The following TENM2 variants were observed in gnomAD, a reference collection of about 807,000 sequenced individuals.
TENM2 encodes teneurin-2.
A neutral mutation model predicts 245.2 loss-of-function variants in TENM2; 52 were observed. The ratio of observed to expected loss-of-function variants is 0.21; its 90% CI spans 0.17 to 0.27. The LOEUF (loss-of-function observed/expected upper bound fraction) is 0.27. TENM2 is among the 10% of genes least tolerant of loss of function. TENM2 has a pLI of 1.00. For synonymous variants in TENM2, 1,363 were observed against 1,438.9 expected (o/e 0.95, Z 1.19); for missense variants, 3,046 against 3,666.8 (o/e 0.83, Z 4.37).
Position 167,325,492 on chromosome 5 carries a change from C to T in TENM2, c.226+40429C>T, listed in dbSNP as rs74416630. On this transcript the variant is annotated intron_variant, in intron 1 of 28. Transcript: ENST00000518659. Reference sequence around the variant, plus strand: ...CCTGCAGACCCACAGAGGAGAGAAGCCCAATTCTGCAAATCCAGTAACTCA... The same window carrying T: ...CCTGCAGACCCACAGAGGAGAGAAGTCCAATTCTGCAAATCCAGTAACTCA... Among the ~76,000 whole-genome samples the T allele has an allele frequency of 6.3e-3, 959 of 152,234 alleles. 10 individuals are homozygous for T. The highest frequency in any genetic ancestry group is 0.022 in the African/African-American group (917 of 41,536).
chr5:168,089,423 C>T (rs1438403900), intron 7 of TENM2, among the ~76,000 whole-genome samples: 1 of 152,182 alleles, frequency 6.6e-6, no homozygotes, highest in South Asian at 2.1e-4. Flanking sequence ...CAATAGCTCC[C>T]ACTTGCCTGC....
intron 25 of TENM2, among the ~76,000 whole-genome samples, chr5:168,229,344 CA>C (rs1764611303): frequency 6.6e-6 from 1 of 152,054 alleles, no homozygotes; most frequent in Non-Finnish European, 1.5e-5. Context: ...AGCTTCTCAG[CA>C]GAAGTGGATT....
At chr5:167,118,192 A>G in the TENM2 span, among the ~76,000 whole-genome samples, 14 of 152,226 alleles carry the variant, frequency 9.2e-5, no homozygotes, top group African/African-American at 2.9e-4. Context: ...GCATGAAAAG[A>G]AAGCCCTTTC....
intron 4 of TENM2, among the ~76,000 whole-genome samples, chr5:167,960,906 C>A (rs1780962516): frequency 6.6e-6 from 1 of 152,188 alleles, no homozygotes; most frequent in South Asian, 2.1e-4. Flanking sequence ...CGGAATGCAC[C>A]ATTCCTCACA....
At chr5:167,071,878 G>GGCCC in the TENM2 span, among the ~76,000 whole-genome samples, 1 of 124,022 alleles carries the variant, frequency 8.1e-6, no homozygotes. Flanking sequence ...TTGACAAATC[G>GGCCC]CCCCCCCCCG....
the TENM2 span, among the ~76,000 whole-genome samples, chr5:167,209,299 T>C: frequency 2.6e-5 from 4 of 152,002 alleles, no homozygotes; most frequent in African/African-American, 9.7e-5. Flanking sequence ...AGTCTCACTC[T>C]GTCACCCAGG....
chr5:167,755,002 G>A, intron 2 of TENM2: 1 of 1,572,376 alleles, frequency 6.4e-7, no homozygotes, highest in Non-Finnish European at 8.6e-7. Flanking sequence ...TGATTTTTCT[G>A]TAGTTAGAGG....
At chr5:167,386,347 A>C (rs2127350445) in intron 2 of TENM2, among the ~76,000 whole-genome samples, 1 of 152,114 alleles carries the variant, frequency 6.6e-6, no homozygotes, top group South Asian at 2.1e-4. Flanking sequence ...TCCTTAGCTT[A>C]CTTTTTGATG....
the TENM2 span, among the ~76,000 whole-genome samples, chr5:167,080,901 A>G: frequency 6.6e-6 from 1 of 152,120 alleles, no homozygotes; most frequent in Non-Finnish European, 1.5e-5. Flanking sequence ...AAAAGGACAT[A>G]CCAGAAAATG....
intron 12 of TENM2, among the ~76,000 whole-genome samples, chr5:168,127,263 A>G (rs1382605306): frequency 2.0e-5 from 3 of 152,186 alleles, no homozygotes. Context: ...TGGGGGTTGC[A>G]AGCACCTCAA....
chr5:167,429,042 T>C (rs1246364779), intron 2 of TENM2, among the ~76,000 whole-genome samples: 2 of 152,184 alleles, frequency 1.3e-5, no homozygotes, highest in Non-Finnish European at 2.9e-5. Context: ...CGTGTGTTTT[T>C]TTCTCTCTCC....
At chr5:168,217,245 G>A (rs1763276845) in intron 22 of TENM2, among the ~76,000 whole-genome samples, 1 of 152,208 alleles carries the variant, frequency 6.6e-6, no homozygotes, top group Non-Finnish European at 1.5e-5. Flanking sequence ...TTGCAGGTTT[G>A]AGAATGTACT....
At chr5:167,930,263 C>T (rs1778174621) in intron 3 of TENM2, among the ~76,000 whole-genome samples, 1 of 152,074 alleles carries the variant, frequency 6.6e-6, no homozygotes. Flanking sequence ...GATTTCTTAA[C>T]ACTTATTATT....
chr5:168,246,459 G>C (rs1329993760), intron 26 of TENM2, among the ~76,000 whole-genome samples: 1 of 152,084 alleles, frequency 6.6e-6, no homozygotes, highest in East Asian at 1.9e-4. Context: ...CAGGGAGTTT[G>C]TTACAAAATG....
intron 19 of TENM2, among the ~76,000 whole-genome samples, chr5:168,205,189 G>T (rs1762257399): frequency 6.6e-6 from 1 of 152,116 alleles, no homozygotes; most frequent in African/African-American, 2.4e-5. Flanking sequence ...CAGGAAAGTT[G>T]ATTTCAGACC....
At chr5:166,982,351 G>T in the TENM2 span, among the ~76,000 whole-genome samples, 2 of 152,140 alleles carry the variant, frequency 1.3e-5, no homozygotes, top group Middle Eastern at 6.8e-3. Flanking sequence ...AACATTAATT[G>T]CTATTTTTTC....
chr5:167,139,039 A>G, the TENM2 span, among the ~76,000 whole-genome samples: 2 of 152,338 alleles, frequency 1.3e-5, no homozygotes, highest in African/African-American at 4.8e-5. Flanking sequence ...GCTAGTTACT[A>G]TCATTCCTTT....
chr5:167,487,018 A>G (rs560927757), intron 2 of TENM2, among the ~76,000 whole-genome samples: 1 of 152,346 alleles, frequency 6.6e-6, no homozygotes, highest in South Asian at 2.1e-4. Context: ...TTGTTGTCCT[A>G]TCTCAGTGGG....
At chr5:167,828,517 C>A (rs538234086) in intron 2 of TENM2, among the ~76,000 whole-genome samples, 1 of 152,284 alleles carries the variant, frequency 6.6e-6, no homozygotes, top group Admixed American at 6.5e-5. Context: ...GTCCTCAGCC[C>A]TGTTGAAGTA....
Sources: allele counts gnomAD v4.1 joint callset (sites outside exome capture counted in the v4.1 genomes callset), GRCh38; gene constraint gnomAD v4.1.1; transcripts MANE v1.5; gene names NCBI Gene and HGNC (gene_info 2026-07-23, HGNC 2026-07-21).